Variants in CHFR observed in about 807,000 individuals in gnomAD.
The protein encoded by CHFR is E3 ubiquitin-protein ligase CHFR.
Under a neutral mutation model 87.6 loss-of-function variants are expected in CHFR, and 57 were observed. The observed-to-expected ratio is 0.65, with a 90% CI of 0.53 to 0.81. CHFR has a LOEUF of 0.81. Among genes scored for constraint, CHFR ranks in the 30% least tolerant of loss-of-function variants. CHFR has a pLI of 0.00. For missense variants in CHFR, 797 were observed against 865.8 expected (o/e 0.92, Z 1.00); for synonymous variants, 381 against 359.2 (o/e 1.06, Z -0.69).
At position 132,840,508 on chromosome 12, in the gene CHFR, G is replaced by C. The variant is rs1299758456; in HGVS notation, c.*1046C>G. 3 of 152,626 alleles carry C rather than the reference G, an allele frequency of 2.0e-5. No individual in the cohort carries two copies. In the East Asian group the frequency reaches 5.8e-4, roughly 29 times the overall value. The allele number at this position is 152,626 out of a possible 1,614,324, so 9.5% of individuals were successfully genotyped here. On this transcript the variant is annotated 3_prime_UTR_variant, in exon 18 of 18. Transcript: ENST00000450056. ...AAAAAGTTATCAGTTTACAAACAAGGATAACAGGTGATTTCAACAAAAGAT... is the reference window on the plus strand; with the variant it reads ...AAAAAGTTATCAGTTTACAAACAAGCATAACAGGTGATTTCAACAAAAGAT...
At chr12:132,872,978 G>A (rs1002571982) in intron 3 of CHFR, among the ~76,000 whole-genome samples, 9 of 152,326 alleles carry the variant, frequency 5.9e-5, no homozygotes, top group Non-Finnish European at 1.5e-5. Context: ...GGACAGACAG[G>A]AGGAGGCTAA....
At chr12:132,879,891 C>T (rs548193657) in intron 2 of CHFR, among the ~76,000 whole-genome samples, 51 of 152,350 alleles carry the variant, frequency 3.3e-4, no homozygotes, top group African/African-American at 1.2e-3. Flanking sequence ...AAACGTTCCA[C>T]ACAGAAAGAC....
intron 16 of CHFR, among the ~76,000 whole-genome samples, chr12:132,843,501 G>C (rs1950744994): frequency 6.6e-6 from 1 of 152,056 alleles, no homozygotes; most frequent in Non-Finnish European, 1.5e-5. Context: ...TTGACTATTG[G>C]ATGTCTTTAC....
chr12:132,861,213 T>C (rs1951202492), intron 7 of CHFR, among the ~76,000 whole-genome samples: 1 of 152,218 alleles, frequency 6.6e-6, no homozygotes, highest in Non-Finnish European at 1.5e-5. Flanking sequence ...AATTCTGCAA[T>C]TCAGAATGCA....
In CHFR at chr12:132,836,968, C is replaced by A. The variant is rs983555885; in HGVS notation, c.*4586G>T. The A allele has an allele frequency of 2.8e-6, 1 of 361,418 alleles. No individual in the cohort carries two copies. The highest frequency in any genetic ancestry group is 2.1e-5 in the African/African-American group (1 of 46,600). 22.4% of individuals were successfully genotyped at this position (361,418 alleles called of 1,614,324 possible). On this transcript the variant is annotated 3_prime_UTR_variant, in exon 18 of 18. Transcript: ENST00000450056. ...AAACGGTAAACAGATGTTTCCTTTCCGATAGTGACAGGTGCTGGGGGGAAA... is the reference window on the plus strand; with the variant it reads ...AAACGGTAAACAGATGTTTCCTTTCAGATAGTGACAGGTGCTGGGGGGAAA...
At position 132,856,543 on chromosome 12, in the gene CHFR, G is replaced by C. The variant is rs769607729; in HGVS notation, c.1154C>G (p.Ser385Cys). The change falls in exon 10 of 18, where the codon TCT becomes TGT. Residue 385 changes from serine to cysteine, a missense_variant. Ser to Cys is a moderately radical substitution (Grantham distance 112). This residue lies in a region of CHFR where 597 missense variants were observed against 601.2 expected (regional missense o/e 0.99). Coordinates refer to ENST00000450056, the MANE Select transcript of CHFR (RefSeq NM_001161346.2). ...TGAACTCCCTTCTTCATCAGAAAAA[G>C]ACCGCCTGACTTTGGGCTGCAGCAT... ...QDMLQPKVRR[S>C]FSDEEGSSED... 6.2e-6 allele frequency: 10 copies of C among 1,614,196 alleles called. No homozygotes were observed. Among genetic ancestry groups the C allele is most frequent in the South Asian group, 5.5e-5 (5 of 91,088 alleles).
chr12:132,853,518 G>A lies in CHFR; in HGVS notation c.1285C>T (p.Pro429Ser), dbSNP rs1231849613. The A allele has an allele frequency of 6.5e-7, 1 of 1,531,276 alleles. No individual in the cohort carries two copies. The allele number at this position is 1,531,276 out of a possible 1,614,324, so 94.9% of individuals were successfully genotyped here. ...CCCTCGGGTGCTGGGCAGTGGGGAG[G>A]CTGCGCCGCCTGCCTTCTGTACTCA... Reference protein sequence around the residue: ...CPEYRRQAAQPPHCPAPEGEP... With the variant: ...CPEYRRQAAQSPHCPAPEGEP... Residue 429 changes from proline (P) to serine (S), a missense_variant, in exon 11 of 18, where the codon CCT (proline) becomes TCT (serine). By Grantham distance (74) the Pro-to-Ser change is moderately conservative (BLOSUM62 -1). This residue lies in a region of CHFR where 597 missense variants were observed against 601.2 expected (regional missense o/e 0.99). Transcript: ENST00000450056.
intron 6 of CHFR, among the ~76,000 whole-genome samples, chr12:132,863,950 G>A (rs1285573946): frequency 6.6e-6 from 1 of 152,064 alleles, no homozygotes; most frequent in Non-Finnish European, 1.5e-5. Flanking sequence ...TTTTGGTAGA[G>A]ACAGGGTCTT....
chr12:132,886,502 C>T (rs1384285921), intron 2 of CHFR, among the ~76,000 whole-genome samples: 2 of 152,104 alleles, frequency 1.3e-5, no homozygotes, highest in Non-Finnish European at 2.9e-5. Flanking sequence ...AGGACCAGCG[C>T]ATTTCTCTCC....
intron 3 of CHFR, among the ~76,000 whole-genome samples, chr12:132,872,969 G>A (rs918402183): frequency 1.3e-5 from 2 of 152,190 alleles, no homozygotes; most frequent in African/African-American, 2.4e-5. Context: ...CTGACCCAGG[G>A]ACAGACAGGA....
At chr12:132,876,131 G>A (rs899823652) in intron 3 of CHFR, among the ~76,000 whole-genome samples, 4 of 150,818 alleles carry the variant, frequency 2.7e-5, no homozygotes, top group South Asian at 2.1e-4. Flanking sequence ...AGCCGAGATC[G>A]TACCACTGCA....
intron 17 of CHFR, 96 bp from the exon 18 acceptor site, chr12:132,841,692 G>A (rs1950706512): frequency 6.0e-6 from 6 of 1,004,946 alleles, no homozygotes; most frequent in East Asian, 2.4e-5. Flanking sequence ...TCAAATAAAC[G>A]CATTCGGAAA....
At chr12:132,855,694 GTACAT>G (rs1377244806) in intron 10 of CHFR, among the ~76,000 whole-genome samples, 3 of 152,028 alleles carry the variant, frequency 2.0e-5, no homozygotes, top group Middle Eastern at 3.2e-3. Context: ...AAATTTGTTA[GTACAT>G]TACATTTCAT....
rs1256714665 is a variant in CHFR at position 132,840,307 on chromosome 12, A to G, written c.*1247T>C. The G allele has an allele frequency of 1.4e-5, 2 of 146,302 alleles. No individual in the cohort carries two copies. The highest frequency in any genetic ancestry group is 2.5e-5 in the African/African-American group (1 of 40,178). The allele number at this position is 146,302 out of a possible 1,614,324, so 9.1% of individuals were successfully genotyped here. On this transcript the variant is annotated 3_prime_UTR_variant, in exon 18 of 18. Coordinates refer to ENST00000450056, the MANE Select transcript of CHFR (RefSeq NM_001161346.2). ...TCTGCATGGGGCCTGCCTCCCTCGC[A>G]TGGGGAAGTGAGGCAGCCCCAGACA...
chr12:132,856,322 C>G, intron 10 of CHFR, 146 bp downstream of exon 10: 1 of 841,890 alleles, frequency 1.2e-6, no homozygotes, highest in East Asian at 2.4e-5. Flanking sequence ...TATCAGAAAA[C>G]AAGCTCAAGC....
At chr12:132,848,426 G>A (rs1384834010) in intron 13 of CHFR, 2 of 704,140 alleles carry the variant, frequency 2.8e-6, no homozygotes, top group Non-Finnish European at 4.9e-6. Context: ...TGTCCTGGGA[G>A]TATCTCCCCT....
chr12:132,858,725 TAAAAAAA>T (rs60137048), intron 8 of CHFR, among the ~76,000 whole-genome samples: 6 of 26,786 alleles, frequency 2.2e-4, no homozygotes, highest in Admixed American at 8.0e-4. Flanking sequence ...AGACTCCATC[TAAAAAAA>T]AAAAAAAAAA....
rs1176161885 is a variant in CHFR at position 132,853,511 on chromosome 12, T to C, written c.1292A>G (p.His431Arg). 6.5e-7 allele frequency: 1 copy of C among 1,531,968 alleles called. No individual in the cohort carries two copies. The highest frequency in any genetic ancestry group is 8.7e-7 in the Non-Finnish European group (1 of 1,143,516). The allele number at this position is 1,531,968 out of a possible 1,614,324, so 94.9% of individuals were successfully genotyped here. ...EYRRQAAQPP[H>R]CPAPEGEPGA... ...TGGCTCGCCCTCGGGTGCTGGGCAG[T>C]GGGGAGGCTGCGCCGCCTGCCTTCT... Residue 431 changes from histidine to arginine, a missense_variant, in exon 11 of 18, where the codon CAC becomes CGC. His to Arg is a conservative substitution (Grantham distance 29). Around this residue, in one of 2 missense-constraint regions of CHFR, gnomAD observed 597 missense variants for 601.2 expected, o/e 0.99. Coordinates refer to ENST00000450056, the MANE Select transcript of CHFR (RefSeq NM_001161346.2).
chr12:132,862,502 G>A (rs1407267922), intron 6 of CHFR: 2 of 413,100 alleles, frequency 4.8e-6, no homozygotes, highest in Non-Finnish European at 9.6e-6. Flanking sequence ...TACTCAGGAG[G>A]CTGAGGTGAG....
Sources: gnomAD v4.1 joint callset for allele counts (sites outside exome capture counted in the v4.1 genomes callset) on GRCh38, gnomAD v4.1.1 for gene constraint, gnomAD v4.1.1 regional missense constraint, MANE v1.5 for transcripts, NCBI Gene and HGNC (gene_info 2026-07-23, HGNC 2026-07-21) for gene names.